The following CCDC7 variants were observed in gnomAD, a reference collection of about 807,000 sequenced individuals.
The protein encoded by CCDC7 is coiled-coil domain containing 7.
In CCDC7, 183 loss-of-function variants were observed where a neutral mutation model predicts 196.9. That is an observed-to-expected ratio of 0.93 (90% CI 0.82 to 1.05). CCDC7 has a LOEUF of 1.05. Among genes scored for constraint, CCDC7 ranks in the 50% least tolerant of loss-of-function variants. The probability of loss-of-function intolerance (pLI) is 0.00; values close to 1 mark genes in which losing one functional copy is unlikely to be tolerated. For synonymous variants in CCDC7, 525 were observed against 484.6 expected (o/e 1.08, Z -1.10); for missense variants, 1,540 against 1,482.2 (o/e 1.04, Z -0.64).
At chr10:32,636,852 A>G (rs966690592) in intron 20 of CCDC7, among the ~76,000 whole-genome samples, 20 of 152,194 alleles carry the variant, frequency 1.3e-4, no homozygotes, top group Non-Finnish European at 2.6e-4. Flanking sequence ...CCAACAGTGT[A>G]AAAGTGTTGC....
intron 21 of CCDC7, among the ~76,000 whole-genome samples, chr10:32,684,772 AAAAC>A (rs2076267898): frequency 6.6e-6 from 1 of 152,222 alleles, no homozygotes; most frequent in African/African-American, 2.4e-5. Flanking sequence ...TACTTCTAGA[AAAAC>A]AAACCTACTG....
At chr10:32,519,739 T>C (rs2047592942) in intron 11 of CCDC7, among the ~76,000 whole-genome samples, 1 of 152,110 alleles carries the variant, frequency 6.6e-6, no homozygotes, top group South Asian at 2.1e-4. Flanking sequence ...CCAGTTATAC[T>C]TTTTTAGTTA....
intron 28 of CCDC7, among the ~76,000 whole-genome samples, chr10:32,754,977 G>A (rs11597523): frequency 0.083 from 12,612 of 152,182 alleles, 560 homozygotes; most frequent in East Asian, 0.16. Context: ...TATATCCCGC[G>A]CTGGCTTGGA....
Position 32,824,504 on chromosome 10 carries a change from T to G in CCDC7, c.3182-14T>G, listed in dbSNP as rs778275963. 2 of 1,570,886 alleles carry G rather than the reference T, an allele frequency of 1.3e-6. No individual in the cohort carries two copies. Among genetic ancestry groups the G allele is most frequent in the Non-Finnish European group, 1.7e-6 (2 of 1,148,950 alleles). On this transcript the variant is annotated splice_polypyrimidine_tract_variant and intron_variant, in intron 31 of 41. Transcript: ENST00000639629. Reference sequence around the variant, plus strand: ...ATTAAAAAAGTGTTTTGAAATCTGTTTACTTTTTTATAGAGACTGATGAAC... The same window carrying G: ...ATTAAAAAAGTGTTTTGAAATCTGTGTACTTTTTTATAGAGACTGATGAAC...
At chr10:32,649,527 T>A (rs947150577) in intron 20 of CCDC7, among the ~76,000 whole-genome samples, 23 of 152,196 alleles carry the variant, frequency 1.5e-4, no homozygotes, top group Non-Finnish European at 2.9e-4. Context: ...CGTATCTGGC[T>A]GAAGTTCTCT....
upstream of CCDC7, among the ~76,000 whole-genome samples, chr10:32,444,536 G>C (rs2133185760): frequency 6.6e-6 from 1 of 152,278 alleles, no homozygotes; most frequent in South Asian, 2.1e-4. Flanking sequence ...AATTAGAAAT[G>C]ACTAGATGTA....
At chr10:32,477,480 C>T (rs929529425) in intron 8 of CCDC7, among the ~76,000 whole-genome samples, 12 of 152,010 alleles carry the variant, frequency 7.9e-5, no homozygotes, top group Admixed American at 3.3e-4. Context: ...GGATTACAGG[C>T]GTGAGCCACT....
At chr10:32,742,153 A>G (rs923440638) in intron 28 of CCDC7, among the ~76,000 whole-genome samples, 2 of 152,136 alleles carry the variant, frequency 1.3e-5, no homozygotes, top group African/African-American at 2.4e-5. Context: ...AATATCTTTG[A>G]GATTAAATAT....
At chr10:32,448,035 C>G (rs115653733), upstream of CCDC7, among the ~76,000 whole-genome samples, 1,315 of 152,210 alleles carry the variant, frequency 8.6e-3, 29 homozygotes, top group African/African-American at 0.029. Context: ...TTTTTAGTGA[C>G]AAGTTATTTT....
intron 31 of CCDC7, among the ~76,000 whole-genome samples, chr10:32,822,632 G>A (rs142943325): frequency 6.6e-6 from 1 of 152,028 alleles, no homozygotes; most frequent in Non-Finnish European, 1.5e-5. Flanking sequence ...GAGAATAAAG[G>A]TATATATAAA....
chr10:32,677,863 C>A (rs940693849), intron 21 of CCDC7, among the ~76,000 whole-genome samples: 1 of 152,030 alleles, frequency 6.6e-6, no homozygotes, highest in Non-Finnish European at 1.5e-5. Flanking sequence ...GATGGTATCC[C>A]ATACATCTTA....
chr10:32,636,902 CT>C (rs2065760639), intron 20 of CCDC7, among the ~76,000 whole-genome samples: 1 of 152,078 alleles, frequency 6.6e-6, no homozygotes, highest in Non-Finnish European at 1.5e-5. Context: ...TGTTTCCTGA[CT>C]TTTTAATGAT....
At chr10:32,617,075 G>A (rs889808260) in intron 18 of CCDC7, among the ~76,000 whole-genome samples, 1 of 151,838 alleles carries the variant, frequency 6.6e-6, no homozygotes, top group Non-Finnish European at 1.5e-5. Flanking sequence ...TAGTTTGTGA[G>A]TGTAGAGTTG....
chr10:32,850,774 A>AACACACACACACACAC (rs59662474), intron 39 of CCDC7, among the ~76,000 whole-genome samples: 3 of 146,708 alleles, frequency 2.0e-5, no homozygotes, highest in African/African-American at 5.1e-5. Flanking sequence ...TGTCTCTGAC[A>AACACACACACACACAC]ACACACACAC....
intron 9 of CCDC7, among the ~76,000 whole-genome samples, chr10:32,497,395 G>T (rs2043085124): frequency 6.6e-6 from 1 of 152,076 alleles, no homozygotes; most frequent in African/African-American, 2.4e-5. Flanking sequence ...ATCTCCTTCA[G>T]TTCTGCTCCG....
intron 16 of CCDC7, among the ~76,000 whole-genome samples, chr10:32,576,771 G>C (rs2058244156): frequency 6.6e-6 from 1 of 151,910 alleles, no homozygotes; most frequent in African/African-American, 2.4e-5. Flanking sequence ...GGCTGGTCTA[G>C]AACTCCTGGA....
chr10:32,517,187 C>T (rs528963309), intron 9 of CCDC7, among the ~76,000 whole-genome samples: 1 of 152,140 alleles, frequency 6.6e-6, no homozygotes, highest in South Asian at 2.1e-4. Context: ...ATCTAAGATA[C>T]TTACTATTTA....
intron 21 of CCDC7, among the ~76,000 whole-genome samples, chr10:32,677,043 T>G (rs1051874649): frequency 5.9e-5 from 9 of 151,300 alleles, no homozygotes; most frequent in South Asian, 4.2e-4. Flanking sequence ...CCATAAAAAA[T>G]GATGAGTTCA....
chr10:32,805,974 C>A lies in CCDC7; in HGVS notation c.3097+876C>A, dbSNP rs150629083. Among the ~76,000 whole-genome samples the A allele has an allele frequency of 1.7e-3, 266 of 152,244 alleles. 1 individual carries two copies. The highest frequency in any genetic ancestry group is 5.9e-3 in the African/African-American group (244 of 41,544). On this transcript the variant is annotated intron_variant, in intron 30 of 41. Coordinates refer to ENST00000639629, the Ensembl canonical transcript of CCDC7. The stretch of plus-strand genomic sequence containing the variant: ...GAACAGGCACATTACATGACAAGAG[C>A]AGGAGCAAGAGAAAGAAGGGGGAAG...
Sources: allele counts gnomAD v4.1 joint callset (sites outside exome capture counted in the v4.1 genomes callset), GRCh38; gene constraint gnomAD v4.1.1; transcripts MANE v1.5; gene names NCBI Gene and HGNC (gene_info 2026-07-23, HGNC 2026-07-21).